RERE: variants seen among roughly 807,000 people sequenced by gnomAD.
RERE encodes the protein arginine-glutamic acid dipeptide repeats, also known as arginine-glutamic acid dipeptide repeats protein.
Under a neutral mutation model 146.1 loss-of-function variants are expected in RERE, and 40 were observed. That is an observed-to-expected ratio of 0.27 (90% CI 0.21 to 0.36). The LOEUF (loss-of-function observed/expected upper bound fraction) is 0.36, where lower values mean the gene tolerates loss of function less well. RERE is among the 10% of genes least tolerant of loss of function. RERE has a pLI of 1.00. For synonymous variants in RERE, 1,003 were observed against 866.0 expected (o/e 1.16, Z -2.78); for missense variants, 1,933 against 2,138.7 (o/e 0.90, Z 1.90).
intron 7 of RERE, among the ~76,000 whole-genome samples, chr1:8,533,361 A>C (rs1196782496): frequency 6.6e-6 from 1 of 152,142 alleles, no homozygotes; most frequent in Non-Finnish European, 1.5e-5. Flanking sequence ...CAGTATTTGA[A>C]GTTCTCGGGT....
intron 2 of RERE, among the ~76,000 whole-genome samples, chr1:8,638,986 G>C (rs1647139394): frequency 6.6e-6 from 1 of 151,858 alleles, no homozygotes; most frequent in Non-Finnish European, 1.5e-5. Context: ...TGTTGGCCAG[G>C]ATGGTCTCGA....
intron 1 of RERE, among the ~76,000 whole-genome samples, chr1:8,683,610 T>C (rs980334815): frequency 2.0e-5 from 3 of 152,022 alleles, no homozygotes; most frequent in African/African-American, 7.3e-5. Flanking sequence ...ATGGCAGAGA[T>C]TAAAAACAAA....
chr1:8,790,751 T>C (rs1028718949), intron 1 of RERE, among the ~76,000 whole-genome samples: 1 of 152,162 alleles, frequency 6.6e-6, no homozygotes, highest in African/African-American at 2.4e-5. Context: ...GCCCAAATAA[T>C]TTTTTTGTAT....
chr1:8,469,319 T>C (rs1247837392), intron 10 of RERE, among the ~76,000 whole-genome samples: 5 of 151,884 alleles, frequency 3.3e-5, no homozygotes, highest in African/African-American at 1.2e-4. Context: ...CAGGAAAAAA[T>C]TTGAATTTCA....
At chr1:8,481,374 A>G (rs548368224) in intron 10 of RERE, among the ~76,000 whole-genome samples, 6 of 152,288 alleles carry the variant, frequency 3.9e-5, no homozygotes, top group Admixed American at 3.3e-4. Context: ...TTGGCCTCCC[A>G]AAGTGCTGGG....
intron 4 of RERE, among the ~76,000 whole-genome samples, chr1:8,586,974 C>A (rs1157577857): frequency 6.6e-6 from 1 of 151,972 alleles, no homozygotes; most frequent in Non-Finnish European, 1.5e-5. Flanking sequence ...AAGAATAATT[C>A]GGAAATATAA....
intron 1 of RERE, among the ~76,000 whole-genome samples, chr1:8,795,843 G>A (rs771156891): frequency 3.3e-5 from 5 of 151,940 alleles, no homozygotes; most frequent in Non-Finnish European, 5.9e-5. Context: ...TTAGCTGGGC[G>A]TGGTGGCACA....
In RERE at chr1:8,422,719, G is replaced by GTAC. The variant is rs1302786340; in HGVS notation, c.1284+5_1284+7dup. 1 of 1,598,062 alleles carries GTAC rather than the reference G, an allele frequency of 6.3e-7. No individual in the cohort carries two copies. Among genetic ancestry groups the GTAC allele is most frequent in the South Asian group, 1.1e-5 (1 of 90,754 alleles). ...AAATCAAGTTACATAAAGTCCAATT[G>GTAC]TACTCACTGTTTCCTTATTGGGAAG... On this transcript the variant is annotated splice_region_variant and intron_variant, in intron 12 of 22. Transcript: ENST00000400908.
At chr1:8,738,143 C>T (rs1640236668) in intron 1 of RERE, among the ~76,000 whole-genome samples, 1 of 152,156 alleles carries the variant, frequency 6.6e-6, no homozygotes, top group South Asian at 2.1e-4. Flanking sequence ...AGAAGACCTT[C>T]CCTGCCCTCT....
intron 2 of RERE, among the ~76,000 whole-genome samples, chr1:8,629,495 A>G (rs1411076405): frequency 6.6e-6 from 1 of 152,168 alleles, no homozygotes; most frequent in Non-Finnish European, 1.5e-5. Context: ...CTCAAGGCAA[A>G]GAAGGCCCTC....
chr1:8,406,338 G>A (rs1398313937), intron 12 of RERE, among the ~76,000 whole-genome samples: 1 of 152,100 alleles, frequency 6.6e-6, no homozygotes, highest in Non-Finnish European at 1.5e-5. Flanking sequence ...CTCCAGAAGT[G>A]CTAAGATTAT....
chr1:8,816,880 G>T lies in RERE; in HGVS notation c.-145+280C>A, dbSNP rs1307637275. ...GTTTCAGCCAATAATGTAGTCACAT[G>T]AAATAGTTTAACCTCAAACAAGTAG... On this transcript the variant is annotated intron_variant, in intron 1 of 22. Transcript: ENST00000400908. Among the ~76,000 whole-genome samples the T allele has an allele frequency of 2.0e-5, 3 of 152,116 alleles. 1 individual carries two copies. The highest frequency in any genetic ancestry group is 4.1e-4 in the South Asian group (2 of 4,822).
At chr1:8,514,386 T>C (rs1645383328) in intron 7 of RERE, among the ~76,000 whole-genome samples, 1 of 152,216 alleles carries the variant, frequency 6.6e-6, no homozygotes, top group South Asian at 2.1e-4. Context: ...CACTGTCTTT[T>C]GGTATAGGGC....
At chr1:8,758,051 T>C (rs192008515) in intron 1 of RERE, among the ~76,000 whole-genome samples, 237 of 152,238 alleles carry the variant, frequency 1.6e-3, no homozygotes, top group African/African-American at 5.2e-3. Flanking sequence ...AGATACTGTA[T>C]GATCCCACGT....
intron 12 of RERE, among the ~76,000 whole-genome samples, chr1:8,406,262 A>T (rs1045157933): frequency 3.3e-5 from 5 of 151,986 alleles, no homozygotes; most frequent in African/African-American, 1.2e-4. Context: ...TTGTAGAGAC[A>T]GGGTCTCACG....
At chr1:8,706,139 G>C in intron 1 of RERE, among the ~76,000 whole-genome samples, 1 of 97,722 alleles carries the variant, frequency 1.0e-5, no homozygotes, top group East Asian at 2.9e-4. Context: ...AAAAAAAAAA[G>C]AATGTCTTCT....
intron 4 of RERE, among the ~76,000 whole-genome samples, chr1:8,586,431 A>C (rs1570472760): frequency 6.6e-6 from 1 of 152,204 alleles, no homozygotes; most frequent in Admixed American, 6.5e-5. Context: ...TAAGCTATAC[A>C]TATGTTTTGT....
intron 4 of RERE, among the ~76,000 whole-genome samples, chr1:8,576,217 A>G (rs535935873): frequency 3.0e-3 from 434 of 144,630 alleles, no homozygotes; most frequent in South Asian, 9.8e-3. Flanking sequence ...GGTTCTAGGG[A>G]AAAAAAAAAA....
chr1:8,397,103 A>G (rs1643081898), intron 12 of RERE, among the ~76,000 whole-genome samples: 1 of 152,228 alleles, frequency 6.6e-6, no homozygotes, highest in African/African-American at 2.4e-5. Context: ...TGAGTCAGAA[A>G]CAGCACAGCA....
Sources: allele counts gnomAD v4.1 joint callset (sites outside exome capture counted in the v4.1 genomes callset), GRCh38; gene constraint gnomAD v4.1.1; transcripts MANE v1.5; gene names NCBI Gene and HGNC (gene_info 2026-07-23, HGNC 2026-07-21).